FILIP1L: variants seen among roughly 807,000 people sequenced by gnomAD.
FILIP1L encodes filamin A-interacting protein 1-like.
Under a neutral mutation model 96.6 loss-of-function variants are expected in FILIP1L, and 55 were observed. That is an observed-to-expected ratio of 0.57 (90% CI 0.46 to 0.71). The LOEUF is 0.71. Ranked by LOEUF, FILIP1L falls within the 30% of genes least tolerant of loss-of-function variation. The pLI, the probability that FILIP1L is intolerant of heterozygous loss-of-function variation, is 0.00. For synonymous variants in FILIP1L, 467 were observed against 473.9 expected (o/e 0.99, Z 0.19); for missense variants, 1,304 against 1,321.2 (o/e 0.99, Z 0.20).
rs377559634 is a variant in FILIP1L at position 99,936,998 on chromosome 3, C to T, written c.-10-5968G>A. On this transcript the variant is annotated intron_variant, in intron 1 of 5. Transcript: ENST00000477258. ...TGTTACTCAGGCTGGAGTGCAGTGG[C>T]GTGATCTCGGGTCACTGCAACCTCT... 9.2e-5 allele frequency among the ~76,000 whole-genome samples: 14 copies of T among 152,136 alleles called. 1 individual carries two copies. The highest frequency in any genetic ancestry group is 5.8e-4 in the East Asian group (3 of 5,164).
chr3:99,972,878 G>A (rs1207158955), intron 1 of FILIP1L, among the ~76,000 whole-genome samples: 2 of 152,200 alleles, frequency 1.3e-5, no homozygotes, highest in African/African-American at 4.8e-5. Context: ...CATGTTAGAT[G>A]TAAATAATGA....
chr3:99,965,521 T>C (rs780708992), intron 1 of FILIP1L, among the ~76,000 whole-genome samples: 14 of 152,044 alleles, frequency 9.2e-5, no homozygotes, highest in Non-Finnish European at 1.9e-4. Context: ...TCCAGATACT[T>C]TTCTTCATTT....
intron 4 of FILIP1L, among the ~76,000 whole-genome samples, chr3:99,888,910 T>G (rs1315011549): frequency 6.6e-6 from 1 of 152,182 alleles, no homozygotes; most frequent in Non-Finnish European, 1.5e-5. Flanking sequence ...GCTTCTTAAT[T>G]TTTATAAACA....
At chr3:99,998,755 G>T (rs1352641260) in intron 1 of FILIP1L, among the ~76,000 whole-genome samples, 1 of 152,138 alleles carries the variant, frequency 6.6e-6, no homozygotes, top group East Asian at 1.9e-4. Flanking sequence ...ATTTTTAGTA[G>T]AGACCGGGTT....
At chr3:100,074,238 G>A (rs2065810592) in intron 1 of FILIP1L, among the ~76,000 whole-genome samples, 1 of 152,226 alleles carries the variant, frequency 6.6e-6, no homozygotes. Flanking sequence ...GGGCCTCCAG[G>A]CACAGACTGT....
At chr3:100,010,286 C>T (rs9875664) in intron 1 of FILIP1L, 51,004 of 240,626 alleles carry the variant, frequency 0.21, 5,870 homozygotes, top group South Asian at 0.25. Context: ...CTGTGTTCTG[C>T]ATGGAAGGAA....
intron 4 of FILIP1L, chr3:99,876,322 C>T: frequency 1.9e-6 from 1 of 513,112 alleles, no homozygotes; most frequent in Non-Finnish European, 2.5e-6. Flanking sequence ...ACCCCAGCTC[C>T]CGCGGATGTT....
At chr3:99,985,751 G>A (rs1250826794) in intron 1 of FILIP1L, among the ~76,000 whole-genome samples, 3 of 152,068 alleles carry the variant, frequency 2.0e-5, no homozygotes, top group Non-Finnish European at 2.9e-5. Flanking sequence ...ACCATGCCCA[G>A]CTGGTTTTTG....
chr3:99,991,740 G>A (rs969310410), intron 1 of FILIP1L, among the ~76,000 whole-genome samples: 1 of 151,678 alleles, frequency 6.6e-6, no homozygotes, highest in Non-Finnish European at 1.5e-5. Context: ...TGAGGATAAT[G>A]GCCTCCAGTT....
intron 1 of FILIP1L, among the ~76,000 whole-genome samples, chr3:100,089,456 T>G (rs149036688): frequency 0.011 from 1,631 of 152,326 alleles, 34 homozygotes; most frequent in African/African-American, 0.036. Context: ...ATGGATTAAC[T>G]GAATTTAAAG....
rs1022132792 is a variant in FILIP1L at position 99,829,165 on chromosome 3, T to C, written c.*1249A>G. On this transcript the variant is annotated 3_prime_UTR_variant, in exon 6 of 6. Coordinates refer to ENST00000477258, the MANE Select transcript of FILIP1L (RefSeq NM_001387850.1). ...GCAGTCCTTAACCATGAGGATTTCT[T>C]CCAGGGTCATGCTTCCAGTTTTTAG... Among the ~76,000 whole-genome samples, 1 of 152,224 alleles carries C rather than the reference T, an allele frequency of 6.6e-6. No individual in the cohort carries two copies. The highest frequency in any genetic ancestry group is 2.4e-5 in the African/African-American group (1 of 41,460).
At chr3:99,891,673 A>C (rs1284211366) in intron 4 of FILIP1L, among the ~76,000 whole-genome samples, 2 of 152,192 alleles carry the variant, frequency 1.3e-5, no homozygotes, top group African/African-American at 4.8e-5. Context: ...TCTCATACCG[A>C]AAATCAGCCT....
At position 100,102,068 on chromosome 3, in the gene FILIP1L, C is replaced by G. The variant is rs143519801; in HGVS notation, c.-11+11985G>C. ...CAAGTCTTTGCTATTGTGAATAGTG[C>G]CACAATAAACATACGTGTGCATGTG... On this transcript the variant is annotated intron_variant, in intron 1 of 5. Coordinates refer to ENST00000477258, the MANE Select transcript of FILIP1L (RefSeq NM_001387850.1). 6.2e-3 allele frequency among the ~76,000 whole-genome samples: 940 copies of G among 152,246 alleles called. 6 individuals are homozygous for G. The highest frequency in any genetic ancestry group is 0.018 in the African/African-American group (745 of 41,536).
chr3:99,963,192 C>T (rs1251562179), intron 1 of FILIP1L, among the ~76,000 whole-genome samples: 1 of 152,216 alleles, frequency 6.6e-6, no homozygotes, highest in Non-Finnish European at 1.5e-5. Flanking sequence ...CAAATCAAGC[C>T]ACTTAATGCT....
chr3:100,056,725 C>A (rs975975016), intron 1 of FILIP1L, among the ~76,000 whole-genome samples: 1 of 151,048 alleles, frequency 6.6e-6, no homozygotes, highest in African/African-American at 2.4e-5. Context: ...TGGGGCCGGG[C>A]GCGGTGGCTC....
intron 1 of FILIP1L, among the ~76,000 whole-genome samples, chr3:99,961,516 C>T (rs1317071918): frequency 6.6e-6 from 1 of 152,100 alleles, no homozygotes; most frequent in African/African-American, 2.4e-5. Flanking sequence ...TTTTGCCAGC[C>T]CATGTGTGAA....
intron 1 of FILIP1L, among the ~76,000 whole-genome samples, chr3:100,078,337 A>AT (rs575712651): frequency 1.3e-5 from 2 of 151,878 alleles, no homozygotes; most frequent in African/African-American, 2.4e-5. Context: ...ACTTTGCCTA[A>AT]TTTTTTTTTC....
intron 4 of FILIP1L, among the ~76,000 whole-genome samples, chr3:99,908,645 G>C (rs1706696403): frequency 6.6e-6 from 1 of 152,126 alleles, no homozygotes; most frequent in Admixed American, 6.5e-5. Flanking sequence ...TCTTCAGGGT[G>C]ATTATCTGAA....
chr3:99,967,149 C>A (rs1368364389), intron 1 of FILIP1L, among the ~76,000 whole-genome samples: 2 of 152,206 alleles, frequency 1.3e-5, no homozygotes, highest in Admixed American at 6.5e-5. Flanking sequence ...TTAGGTCTGG[C>A]AATGGATATA....
Sources: gnomAD v4.1 joint callset for allele counts (sites outside exome capture counted in the v4.1 genomes callset) on GRCh38, gnomAD v4.1.1 for gene constraint, MANE v1.5 for transcripts, NCBI Gene and HGNC (gene_info 2026-07-23, HGNC 2026-07-21) for gene names.